Variants in ESRRG observed in about 807,000 individuals in gnomAD.
ESRRG encodes estrogen related receptor gamma.
Under a neutral mutation model 44.0 loss-of-function variants are expected in ESRRG, and 13 were observed. The ratio of observed to expected loss-of-function variants is 0.30; its 90% confidence interval spans 0.19 to 0.47. ESRRG has a LOEUF of 0.47. Ranked by LOEUF, ESRRG falls within the 20% of genes least tolerant of loss-of-function variation. The pLI is 1.00. For synonymous variants in ESRRG, 215 were observed against 214.6 expected (o/e 1.00, Z -0.02); for missense variants, 395 against 580.6 (o/e 0.68, Z 3.29).
chr1:216,788,617 T>G (rs1331709474), intron 2 of ESRRG, among the ~76,000 whole-genome samples: 1 of 152,144 alleles, frequency 6.6e-6, no homozygotes, highest in East Asian at 1.9e-4. Flanking sequence ...TTCTGTAGCC[T>G]ATGGATCAAG....
At chr1:216,677,544 C>T (rs2076318000) in intron 1 of ESRRG, 53 bp from the exon 2 acceptor site, 1 of 1,452,376 alleles carries the variant, frequency 6.9e-7, no homozygotes, top group African/African-American at 1.4e-5. Context: ...GTGTCAAGCA[C>T]AGAGACCAAA....
At chr1:216,700,613 A>C (rs1013535958) in intron 1 of ESRRG, among the ~76,000 whole-genome samples, 1 of 152,198 alleles carries the variant, frequency 6.6e-6, no homozygotes, top group African/African-American at 2.4e-5. Context: ...AGTACTGTTT[A>C]CTGGATTAGT....
At chr1:216,862,645 T>C (rs2096072532) in intron 2 of ESRRG, 1 of 152,132 alleles carries the variant, frequency 6.6e-6, no homozygotes, top group Non-Finnish European at 1.5e-5. Flanking sequence ...AAAAAGAATA[T>C]ATACTGTAGG....
intron 2 of ESRRG, among the ~76,000 whole-genome samples, chr1:216,859,238 A>G (rs1332470268): frequency 6.6e-6 from 1 of 152,224 alleles, no homozygotes; most frequent in Non-Finnish European, 1.5e-5. Flanking sequence ...AAAGAGATAT[A>G]GTGATCTCTA....
intron 1 of ESRRG, among the ~76,000 whole-genome samples, chr1:217,129,799 G>GA (rs1379000193): frequency 6.6e-6 from 1 of 152,144 alleles, no homozygotes; most frequent in East Asian, 1.9e-4. Context: ...GACAGTGGCT[G>GA]AAGGGGAGGG....
chr1:216,558,496 T>C (rs1412745190), intron 5 of ESRRG, among the ~76,000 whole-genome samples: 1 of 152,202 alleles, frequency 6.6e-6, no homozygotes. Context: ...AAATTGCTTT[T>C]ATGAATATGA....
intron 3 of ESRRG, among the ~76,000 whole-genome samples, chr1:216,635,875 T>C (rs184082561): frequency 1.3e-5 from 2 of 152,248 alleles, no homozygotes; most frequent in East Asian, 3.9e-4. Context: ...AAGATGACAT[T>C]TGAGACCAAG....
At chr1:216,563,691 G>A (rs1414481902) in intron 5 of ESRRG, among the ~76,000 whole-genome samples, 15 of 152,040 alleles carry the variant, frequency 9.9e-5, no homozygotes, top group Non-Finnish European at 2.2e-4. Flanking sequence ...TTACCATATA[G>A]GAAAAGTTAC....
chr1:216,580,857 C>G (rs1171723857), intron 3 of ESRRG, among the ~76,000 whole-genome samples: 1 of 152,194 alleles, frequency 6.6e-6, no homozygotes. Context: ...AGAGCAGAAG[C>G]CTTTCTGGCA....
At chr1:216,939,343 C>CAAAAAAGAAAAAAAAA (rs2064743656) in intron 2 of ESRRG, among the ~76,000 whole-genome samples, 1 of 50,078 alleles carries the variant, frequency 2.0e-5, no homozygotes, top group Admixed American at 2.6e-4. Context: ...TACACATAGA[C>CAAAAAAGAAAAAAAAA]AAAAAAAAAA....
At chr1:216,725,292 G>A (rs942153230), upstream of ESRRG, among the ~76,000 whole-genome samples, 3 of 152,036 alleles carry the variant, frequency 2.0e-5, no homozygotes, top group Admixed American at 1.3e-4. Flanking sequence ...ATAAAAGCAG[G>A]TAGTAAAAGC....
chr1:217,007,258 A>G (rs1443407744), intron 1 of ESRRG, among the ~76,000 whole-genome samples: 27 of 152,172 alleles, frequency 1.8e-4, no homozygotes, highest in Admixed American at 1.8e-3. Context: ...CCTGAAAATT[A>G]TGTGGGTCAA....
At chr1:216,738,077 T>A (rs538617088) in intron 2 of ESRRG, among the ~76,000 whole-genome samples, 1 of 151,270 alleles carries the variant, frequency 6.6e-6, no homozygotes, top group Non-Finnish European at 1.5e-5. Context: ...TGGTTCCACT[T>A]TGGAATCACC....
intron 1 of ESRRG, chr1:216,714,957 C>T: frequency 2.5e-6 from 1 of 395,648 alleles, no homozygotes; most frequent in East Asian, 1.6e-4. Context: ...CAACAAATTC[C>T]TGACCCTAGG....
intron 2 of ESRRG, among the ~76,000 whole-genome samples, chr1:216,891,707 C>T (rs2057811354): frequency 6.6e-6 from 1 of 150,962 alleles, no homozygotes. Flanking sequence ...TCATGGAGAC[C>T]TTTTTTAGGG....
intron 2 of ESRRG, among the ~76,000 whole-genome samples, chr1:216,823,728 C>T (rs1425836927): frequency 1.3e-5 from 2 of 152,094 alleles, no homozygotes; most frequent in Non-Finnish European, 2.9e-5. Context: ...ATAGAGCCAC[C>T]CATTTCTGAT....
chr1:216,556,934 A>C (rs2057709032), intron 5 of ESRRG, among the ~76,000 whole-genome samples: 1 of 152,182 alleles, frequency 6.6e-6, no homozygotes, highest in African/African-American at 2.4e-5. Flanking sequence ...AACTAAGAAG[A>C]AACTGTTAAG....
At chr1:216,676,203 T>C (rs564923235) in intron 2 of ESRRG, among the ~76,000 whole-genome samples, 1 of 152,310 alleles carries the variant, frequency 6.6e-6, no homozygotes, top group African/African-American at 2.4e-5. Context: ...CTATAGCTTT[T>C]TCATGAACTG....
At chr1:217,079,948 G>C (rs1471490594) in intron 1 of ESRRG, among the ~76,000 whole-genome samples, 1 of 152,168 alleles carries the variant, frequency 6.6e-6, no homozygotes, top group Admixed American at 6.5e-5. Flanking sequence ...AGTCCTATGA[G>C]ATAGATGAAG....
Sources: gnomAD v4.1 joint callset for allele counts (sites outside exome capture counted in the v4.1 genomes callset) on GRCh38, gnomAD v4.1.1 for gene constraint, MANE v1.5 for transcripts, NCBI Gene and HGNC (gene_info 2026-07-23, HGNC 2026-07-21) for gene names.